The following IQCJ variants were observed in gnomAD, a reference collection of about 807,000 sequenced individuals.
The protein encoded by IQCJ is IQ motif containing J.
In IQCJ, 9 loss-of-function variants were observed where a neutral mutation model predicts 11.0. That is an observed-to-expected ratio of 0.82 (90% CI 0.49 to 1.43). IQCJ has a LOEUF of 1.43. IQCJ is among the 40% of genes most tolerant of loss of function. The pLI is 0.00. For missense variants in IQCJ, 146 were observed against 133.2 expected (o/e 1.10, Z -0.47); for synonymous variants, 55 against 51.3 (o/e 1.07, Z -0.31).
At chr3:159,082,382 A>G (rs1404722709) in intron 1 of IQCJ, among the ~76,000 whole-genome samples, 1 of 151,830 alleles carries the variant, frequency 6.6e-6, no homozygotes, top group Non-Finnish European at 1.5e-5. Context: ...TTTACAGATG[A>G]AAAAACAGAG....
At chr3:159,154,147 G>A (rs1048460279) in intron 1 of IQCJ, among the ~76,000 whole-genome samples, 1 of 152,158 alleles carries the variant, frequency 6.6e-6, no homozygotes, top group African/African-American at 2.4e-5. Flanking sequence ...CAAGTTTTAT[G>A]TGGGCAAAAC....
chr3:159,252,359 G>A (rs908398384), intron 2 of IQCJ, among the ~76,000 whole-genome samples: 1 of 152,148 alleles, frequency 6.6e-6, no homozygotes, highest in Non-Finnish European at 1.5e-5. Flanking sequence ...GATGAGTAAG[G>A]TCTTCTCTAC....
At chr3:159,116,239 AAG>A (rs1208976029) in intron 1 of IQCJ, among the ~76,000 whole-genome samples, 1 of 152,046 alleles carries the variant, frequency 6.6e-6, no homozygotes, top group Non-Finnish European at 1.5e-5. Flanking sequence ...GTCTCAAAAA[AAG>A]AGAAGAAGGA....
At chr3:159,201,828 G>T (rs1724365323) in intron 1 of IQCJ, among the ~76,000 whole-genome samples, 1 of 151,796 alleles carries the variant, frequency 6.6e-6, no homozygotes, top group African/African-American at 2.4e-5. Context: ...TGTTGTTGTT[G>T]TTGTTACTCT....
intron 1 of IQCJ, among the ~76,000 whole-genome samples, chr3:159,091,259 G>C (rs1029143014): frequency 6.6e-6 from 1 of 151,770 alleles, no homozygotes; most frequent in African/African-American, 2.4e-5. Context: ...AACATAGACT[G>C]GGTGCCGTAT....
intron 1 of IQCJ, among the ~76,000 whole-genome samples, chr3:159,179,763 C>T (rs1383337155): frequency 6.6e-6 from 1 of 152,160 alleles, no homozygotes; most frequent in Non-Finnish European, 1.5e-5. Flanking sequence ...CTTTACTCCA[C>T]AACAACCTTC....
In IQCJ at chr3:159,261,345, C is replaced by G. The variant is rs551005336; in HGVS notation, c.156-1203C>G. Among the ~76,000 whole-genome samples, 12 of 152,258 alleles carry G rather than the reference C, an allele frequency of 7.9e-5. No homozygotes were observed. The East Asian group carries it at 1.5e-3, about 20-fold the overall frequency. On this transcript the variant is annotated intron_variant, in intron 3 of 3. Coordinates refer to ENST00000397832, the MANE Select transcript of IQCJ (RefSeq NM_001042706.3). Reference sequence around the variant, plus strand: ...GGTTAGACTGTGTTCAGTGACCCCCCCTATGAAAATCGAGATGTTAATCTC... The same window carrying G: ...GGTTAGACTGTGTTCAGTGACCCCCGCTATGAAAATCGAGATGTTAATCTC...
intron 1 of IQCJ, among the ~76,000 whole-genome samples, chr3:159,166,235 A>T (rs1239045164): frequency 6.6e-6 from 1 of 152,156 alleles, no homozygotes; most frequent in South Asian, 2.1e-4. Flanking sequence ...GCAAACTTAT[A>T]TAATTTACAA....
chr3:159,263,572 A>G lies in IQCJ; in HGVS notation c.*841A>G, dbSNP rs200245172. ...AAATGCTGAAAAGTTAGAGAAATGA[A>G]GTAATTACACAAGTATATTACTTCC... On this transcript the variant is annotated 3_prime_UTR_variant, in exon 4 of 4. Transcript: ENST00000397832. 1 of 985,244 alleles carries G rather than the reference A, an allele frequency of 1.0e-6. No individual in the cohort carries two copies. The highest frequency in any genetic ancestry group is 1.2e-6 in the Non-Finnish European group (1 of 829,738). 61.0% of individuals were successfully genotyped at this position (985,244 alleles called of 1,614,324 possible).
chr3:159,256,402 C>A (rs1047410060), intron 3 of IQCJ, among the ~76,000 whole-genome samples: 6 of 152,022 alleles, frequency 3.9e-5, no homozygotes, highest in African/African-American at 1.4e-4. Context: ...ATAGCATTCC[C>A]AAAAGAACTT....
At chr3:159,212,854 A>G (rs1205351814) in intron 1 of IQCJ, among the ~76,000 whole-genome samples, 1 of 152,264 alleles carries the variant, frequency 6.6e-6, no homozygotes, top group African/African-American at 2.4e-5. Flanking sequence ...CTCAACCACT[A>G]AAACCTGACT....
intron 1 of IQCJ, among the ~76,000 whole-genome samples, chr3:159,078,994 G>A (rs79779006): frequency 0.012 from 1,872 of 152,130 alleles, 51 homozygotes; most frequent in African/African-American, 0.043. Context: ...ACTAAATCAG[G>A]GTCCAGGTCA....
At position 159,116,614 on chromosome 3, in the gene IQCJ, GTATATATATATA is replaced by G. The variant is rs57810703; in HGVS notation, c.9+47218_9+47229del. On this transcript the variant is annotated intron_variant, in intron 1 of 3. Coordinates refer to ENST00000397832, the MANE Select transcript of IQCJ (RefSeq NM_001042706.3). Reference sequence around the variant, plus strand: ...TTCTATTTTAGCATCCTGCTCATATGTATATATATATATATATATATATATATATATATATAT... The same window carrying G: ...TTCTATTTTAGCATCCTGCTCATATGTATATATATATATATATATATATAT... Among the ~76,000 whole-genome samples the G allele has an allele frequency of 5.9e-3, 340 of 57,532 alleles. 2 individuals carry two copies. The highest frequency in any genetic ancestry group is 8.5e-3 in the Non-Finnish European group (242 of 28,456). The allele number at this position is 57,532 out of a possible 152,430, so 37.7% of individuals were successfully genotyped here.
chr3:159,079,517 A>C (rs1390539252), intron 1 of IQCJ, among the ~76,000 whole-genome samples: 1 of 152,052 alleles, frequency 6.6e-6, no homozygotes, highest in Non-Finnish European at 1.5e-5. Context: ...TACACAGTTT[A>C]TACTTACTGA....
intron 1 of IQCJ, among the ~76,000 whole-genome samples, chr3:159,209,214 G>T (rs550275469): frequency 6.6e-6 from 1 of 152,212 alleles, no homozygotes; most frequent in East Asian, 1.9e-4. Context: ...GTGGCTGAAT[G>T]TCTGGAGGAG....
At chr3:159,231,197 C>T (rs1726226101) in intron 1 of IQCJ, among the ~76,000 whole-genome samples, 1 of 152,146 alleles carries the variant, frequency 6.6e-6, no homozygotes, top group Non-Finnish European at 1.5e-5. Context: ...ATATGGGCAA[C>T]ATAAGGGCTC....
intron 1 of IQCJ, among the ~76,000 whole-genome samples, chr3:159,224,258 T>C (rs941683004): frequency 4.6e-5 from 7 of 152,068 alleles, no homozygotes; most frequent in African/African-American, 1.2e-4. Context: ...ATTTGAGTTA[T>C]AGTAATAGGA....
At chr3:159,220,808 G>A (rs756327749) in intron 1 of IQCJ, among the ~76,000 whole-genome samples, 3 of 152,034 alleles carry the variant, frequency 2.0e-5, no homozygotes, top group African/African-American at 7.2e-5. Flanking sequence ...ACTAACTATG[G>A]GCTTGTTATT....
At chr3:159,191,956 C>G (rs1463055956) in intron 1 of IQCJ, among the ~76,000 whole-genome samples, 1 of 152,138 alleles carries the variant, frequency 6.6e-6, no homozygotes, top group African/African-American at 2.4e-5. Context: ...TAAAGGAGAC[C>G]AGTGAAGCCA....
Sources: allele counts gnomAD v4.1 joint callset (sites outside exome capture counted in the v4.1 genomes callset), GRCh38; gene constraint gnomAD v4.1.1; transcripts MANE v1.5; gene names NCBI Gene and HGNC (gene_info 2026-07-23, HGNC 2026-07-21).